PRDM1: variants seen among roughly 807,000 people sequenced by gnomAD.
The protein encoded by PRDM1 is PR domain zinc finger protein 1.
A neutral mutation model predicts 62.8 loss-of-function variants in PRDM1; 13 were observed. The ratio of observed to expected loss-of-function variants is 0.21; its 90% CI spans 0.13 to 0.33. The LOEUF (loss-of-function observed/expected upper bound fraction) is 0.33, where lower values mean the gene tolerates loss of function less well. Ranked by LOEUF, PRDM1 falls within the 10% of genes least tolerant of loss-of-function variation. The pLI is 1.00. For missense variants in PRDM1, 895 were observed against 1,058.8 expected (o/e 0.85, Z 2.15); for synonymous variants, 396 against 417.6 (o/e 0.95, Z 0.63).
At chr6:106,068,476 T>C (rs971853338) in intron 1 of PRDM1, among the ~76,000 whole-genome samples, 2 of 152,200 alleles carry the variant, frequency 1.3e-5, no homozygotes, top group Non-Finnish European at 2.9e-5. Flanking sequence ...ATGTATATTC[T>C]CCTTCCTTCC....
At chr6:106,098,649 CTGCTG>C (rs997013043) in intron 3 of PRDM1, 4 of 1,339,080 alleles carry the variant, frequency 3.0e-6, no homozygotes, top group African/African-American at 3.0e-5. Context: ...CAAATTCGGG[CTGCTG>C]CCCGAGTGTT....
chr6:106,002,665 T>C (rs1772440239), intron 1 of PRDM1, among the ~76,000 whole-genome samples: 1 of 152,228 alleles, frequency 6.6e-6, no homozygotes, highest in South Asian at 2.1e-4. Context: ...TATAAATATT[T>C]TGAGATTTAT....
At chr6:106,006,067 T>TTTCTCACAGCCTCCACTTCC (rs1378242373) in intron 1 of PRDM1, among the ~76,000 whole-genome samples, 3 of 152,198 alleles carry the variant, frequency 2.0e-5, no homozygotes, top group African/African-American at 7.2e-5. Context: ...TGCTCCTTAC[T>TTTCTCACAGCCTCCACTTCC]TTCTCACAGC....
At chr6:106,017,596 C>A (rs1772638145) in intron 1 of PRDM1, among the ~76,000 whole-genome samples, 1 of 152,218 alleles carries the variant, frequency 6.6e-6, no homozygotes, top group African/African-American at 2.4e-5. Flanking sequence ...TGGGTAAGTT[C>A]ACACAGTTGC....
chr6:106,085,664 A>G (rs973443914), upstream of PRDM1, among the ~76,000 whole-genome samples: 2 of 152,166 alleles, frequency 1.3e-5, no homozygotes, highest in Admixed American at 1.3e-4. Context: ...TGAAACGACT[A>G]ATGCTCTACA....
intron 1 of PRDM1, among the ~76,000 whole-genome samples, chr6:106,032,933 G>T (rs1040411336): frequency 1.3e-5 from 2 of 151,966 alleles, no homozygotes; most frequent in African/African-American, 2.4e-5. Flanking sequence ...GTTTACTGTT[G>T]TGTCTGGCAC....
chr6:106,098,872 C>T, intron 3 of PRDM1: 4 of 1,513,288 alleles, frequency 2.6e-6, no homozygotes, highest in Admixed American at 2.1e-5. Flanking sequence ...AGTTTGACGT[C>T]GTCAGCCGGC....
At chr6:105,993,430 T>G (rs1014179363), upstream of PRDM1, among the ~76,000 whole-genome samples, 2 of 152,236 alleles carry the variant, frequency 1.3e-5, no homozygotes, top group African/African-American at 2.4e-5. Context: ...GTTTGTGTAA[T>G]CAGAGACTGA....
At chr6:106,040,698 G>A (rs1452679251) in intron 1 of PRDM1, among the ~76,000 whole-genome samples, 1 of 152,154 alleles carries the variant, frequency 6.6e-6, no homozygotes, top group African/African-American at 2.4e-5. Context: ...TTAATTTGCA[G>A]TTATGAATTA....
intron 1 of PRDM1, among the ~76,000 whole-genome samples, chr6:106,076,689 A>G (rs1773610623): frequency 6.6e-6 from 1 of 152,250 alleles, no homozygotes; most frequent in African/African-American, 2.4e-5. Flanking sequence ...TGTTTCCTAC[A>G]CACAAACAAA....
At chr6:106,036,786 C>G (rs1004678944) in intron 1 of PRDM1, among the ~76,000 whole-genome samples, 7 of 152,174 alleles carry the variant, frequency 4.6e-5, no homozygotes, top group East Asian at 3.9e-4. Flanking sequence ...CTGGTGAAAC[C>G]CCTTCTCTAC....
rs1261823028 is a variant in PRDM1, at chr6:105,994,827, G to GCC, written c.-67+1190_-67+1191dup. 6.6e-6 allele frequency among the ~76,000 whole-genome samples: 1 copy of GCC among 152,218 alleles called. No individual in the cohort carries two copies. The highest frequency in any genetic ancestry group is 1.5e-5 in the Non-Finnish European group (1 of 68,028). On this transcript the variant is annotated intron_variant, in intron 1 of 6. Coordinates refer to the PRDM1 transcript ENST00000652320. This position sits in a 1 kb window ranked among gnomAD's most constrained non-coding sequence, Gnocchi z 4.1. ...TGTGCAAACCGAAAACAGTTTGTCA[G>GCC]CCCTCCAGTCCCGCCGCGTCGGGAA...
chr6:106,076,713 A>C (rs1773610983), intron 1 of PRDM1, among the ~76,000 whole-genome samples: 1 of 152,258 alleles, frequency 6.6e-6, no homozygotes, highest in African/African-American at 2.4e-5. Flanking sequence ...ATTATATGCA[A>C]AATGGTTGCA....
At chr6:106,104,390 T>C (rs969045253) in intron 4 of PRDM1, among the ~76,000 whole-genome samples, 1 of 152,164 alleles carries the variant, frequency 6.6e-6, no homozygotes, top group Non-Finnish European at 1.5e-5. Flanking sequence ...TTTGTATTTT[T>C]AGTAGAGATG....
chr6:106,105,152 C>A lies in PRDM1; in HGVS notation c.992C>A (p.Ser331Tyr). Reference sequence around the variant, plus strand: ...TACATCACTCGCTCCCCCATTCCATCCTCCACCACTCCAAGCCCCTCTGCA... The same window carrying A: ...TACATCACTCGCTCCCCCATTCCATACTCCACCACTCCAAGCCCCTCTGCA... ...PTYITRSPIP[S>Y]STTPSPSARS... Residue 331 changes from serine to tyrosine, a missense_variant, in exon 5 of 7, where the codon TCC becomes TAC. Physicochemically the swap from Ser to Tyr is moderately radical, Grantham distance 144 (BLOSUM62 -2). Coordinates refer to ENST00000369096, the MANE Select transcript of PRDM1 (RefSeq NM_001198.4). 6.2e-7 allele frequency: 1 copy of A among 1,613,120 alleles called. No homozygotes were observed. Among genetic ancestry groups the A allele is most frequent in the Non-Finnish European group, 8.5e-7 (1 of 1,179,556 alleles).
At position 106,086,432 on chromosome 6, in the gene PRDM1, G is replaced by A; in HGVS notation, c.-122G>A. On this transcript the variant is annotated 5_prime_UTR_variant, in exon 1 of 7. Transcript: ENST00000369096. Reference sequence around the variant, plus strand: ...ACCTGTCCGCCCGGAGCTGGGACGCGGGCGCCCGGGCGGCCGGACGAAGCG... The same window carrying A: ...ACCTGTCCGCCCGGAGCTGGGACGCAGGCGCCCGGGCGGCCGGACGAAGCG... 4 of 882,614 alleles carry A rather than the reference G, an allele frequency of 4.5e-6. No homozygotes were observed. Among genetic ancestry groups the A allele is most frequent in the Non-Finnish European group, 7.0e-6 (4 of 572,628 alleles). 54.7% of individuals were successfully genotyped at this position (882,614 alleles called of 1,614,324 possible).
intron 1 of PRDM1, among the ~76,000 whole-genome samples, chr6:106,060,368 G>A (rs888413867): frequency 2.6e-5 from 4 of 152,308 alleles, no homozygotes; most frequent in Middle Eastern, 6.8e-3. Context: ...TTGGTAACTT[G>A]GAAGTCACTG....
At chr6:105,993,226 A>C (rs1339698260), upstream of PRDM1, among the ~76,000 whole-genome samples, 2 of 152,210 alleles carry the variant, frequency 1.3e-5, no homozygotes, top group African/African-American at 4.8e-5. Flanking sequence ...TGAAGTCCTA[A>C]CTTTGGGTTA....
chr6:106,044,014 T>C (rs1370729894), upstream of PRDM1, among the ~76,000 whole-genome samples: 1 of 152,122 alleles, frequency 6.6e-6, no homozygotes, highest in Non-Finnish European at 1.5e-5. Context: ...TTTTTTTCTG[T>C]TTTAGTTTTA....
Sources: allele counts gnomAD v4.1 joint callset (sites outside exome capture counted in the v4.1 genomes callset), GRCh38; gene constraint gnomAD v4.1.1; non-coding constraint Gnocchi (gnomAD v3.1); transcripts MANE v1.5; gene names NCBI Gene and HGNC (gene_info 2026-07-23, HGNC 2026-07-21).